SLC24A2: variants seen among roughly 807,000 people sequenced by gnomAD.
SLC24A2 encodes the protein sodium/potassium/calcium exchanger 2.
In SLC24A2, 36 loss-of-function variants were observed where a neutral mutation model predicts 62.0. The ratio of observed to expected loss-of-function variants is 0.58; its 90% CI spans 0.44 to 0.77. The LOEUF is 0.77. Among genes scored for constraint, SLC24A2 ranks in the 30% least tolerant of loss-of-function variants. The probability of loss-of-function intolerance (pLI) is 0.00; values close to 1 mark genes in which losing one functional copy is unlikely to be tolerated. For synonymous variants in SLC24A2, 358 were observed against 294.0 expected, an observed-to-expected ratio of 1.22 and a Z score of -2.23; for missense variants, 846 against 817.9, an observed-to-expected ratio of 1.03 and a Z score of -0.42.
chr9:19,571,814 A>C (rs1206306393), intron 7 of SLC24A2, among the ~76,000 whole-genome samples: 1 of 152,218 alleles, frequency 6.6e-6, no homozygotes. Flanking sequence ...ACAAGCACCA[A>C]AGGTGGTTCT....
At chr9:20,203,805 G>A in the SLC24A2 span, among the ~76,000 whole-genome samples, 43 of 152,224 alleles carry the variant, frequency 2.8e-4, no homozygotes, top group Non-Finnish European at 4.3e-4. Flanking sequence ...CTGTGGCAGC[G>A]GTACCTTTAT....
chr9:19,920,119 A>G, the SLC24A2 span, among the ~76,000 whole-genome samples: 1 of 152,146 alleles, frequency 6.6e-6, no homozygotes, highest in Non-Finnish European at 1.5e-5. Flanking sequence ...GTCATGCAAC[A>G]TTTGATATAT....
At position 19,695,948 on chromosome 9, in the gene SLC24A2, T is replaced by C. The variant is rs190608942; in HGVS notation, c.931-73649A>G. ...CATGCAACAACTTTACTATATCTAC[T>C]TTAAGGCAGGGGTCCCCAGTCCCTG... is the stretch of plus-strand genomic sequence containing the variant. On this transcript the variant is annotated intron_variant, in intron 2 of 10. Coordinates refer to ENST00000341998, the MANE Select transcript of SLC24A2 (RefSeq NM_020344.4). Among the ~76,000 whole-genome samples the C allele has an allele frequency of 2.1e-4, 32 of 152,276 alleles. 1 individual carries two copies. The highest frequency in any genetic ancestry group is 2.0e-3 in the Admixed American group (31 of 15,296).
At chr9:19,517,633 C>T (rs982808566) in intron 10 of SLC24A2, among the ~76,000 whole-genome samples, 9 of 152,064 alleles carry the variant, frequency 5.9e-5, no homozygotes, top group South Asian at 4.2e-4. Flanking sequence ...GGATCAATAC[C>T]GGCACTTTGC....
chr9:20,119,816 T>G, the SLC24A2 span, among the ~76,000 whole-genome samples: 6 of 152,220 alleles, frequency 3.9e-5, no homozygotes. Context: ...AGTAAAACTG[T>G]GTTTATTCAG....
the SLC24A2 span, among the ~76,000 whole-genome samples, chr9:19,917,010 A>G: frequency 2.4e-5 from 1 of 40,824 alleles, no homozygotes; most frequent in Admixed American, 3.4e-4. Flanking sequence ...TTTTGTGCCT[A>G]CATTTAATTT....
At chr9:20,136,617 G>A in the SLC24A2 span, among the ~76,000 whole-genome samples, 1 of 152,050 alleles carries the variant, frequency 6.6e-6, no homozygotes, top group African/African-American at 2.4e-5. Context: ...AGATAGCCAA[G>A]GGAATCATAA....
At chr9:19,692,471 GT>G (rs990086149) in intron 2 of SLC24A2, among the ~76,000 whole-genome samples, 5 of 151,886 alleles carry the variant, frequency 3.3e-5, no homozygotes, top group African/African-American at 4.8e-5. Flanking sequence ...CACCTTATTA[GT>G]TTTTTTTGGT....
chr9:19,977,033 T>C, the SLC24A2 span, among the ~76,000 whole-genome samples: 1 of 152,144 alleles, frequency 6.6e-6, no homozygotes, highest in South Asian at 2.1e-4. Flanking sequence ...GGAAAAAATA[T>C]ATGCAATATG....
chr9:19,657,118 T>C (rs1818963788), intron 2 of SLC24A2, among the ~76,000 whole-genome samples: 1 of 152,222 alleles, frequency 6.6e-6, no homozygotes, highest in African/African-American at 2.4e-5. Context: ...TAGGAGAACC[T>C]TTAAACAACT....
the SLC24A2 span, among the ~76,000 whole-genome samples, chr9:19,986,246 C>T: frequency 1.3e-5 from 2 of 152,188 alleles, no homozygotes; most frequent in African/African-American, 2.4e-5. Flanking sequence ...ACCCACTAGG[C>T]TAGCTATAAT....
the SLC24A2 span, among the ~76,000 whole-genome samples, chr9:19,947,824 G>GAAAGAAAC: frequency 9.9e-6 from 1 of 101,360 alleles, no homozygotes; most frequent in Non-Finnish European, 2.4e-5. Context: ...AAGAAAGAAA[G>GAAAGAAAC]AAAGAAAGAA....
chr9:19,979,988 A>G, the SLC24A2 span, among the ~76,000 whole-genome samples: 2 of 152,224 alleles, frequency 1.3e-5, no homozygotes, highest in Admixed American at 6.5e-5. Flanking sequence ...AGTTGATTCA[A>G]TTTCTCAACT....
chr9:20,125,537 G>A, the SLC24A2 span, among the ~76,000 whole-genome samples: 1 of 152,070 alleles, frequency 6.6e-6, no homozygotes. Context: ...TATAGTACAG[G>A]GTCAGGGGAA....
At chr9:19,636,320 T>TTTTCTTTTCTTTCTTTCTTTCTTTCC (rs1564009722) in intron 2 of SLC24A2, among the ~76,000 whole-genome samples, 1 of 21,358 alleles carries the variant, frequency 4.7e-5, no homozygotes, top group African/African-American at 1.6e-4. Flanking sequence ...TTTTCTTTTC[T>TTTTCTTTTCTTTCTTTCTTTCTTTCC]TTCTTTCTTT....
chr9:20,251,242 G>T, the SLC24A2 span, among the ~76,000 whole-genome samples: 1 of 152,102 alleles, frequency 6.6e-6, no homozygotes, highest in Non-Finnish European at 1.5e-5. Context: ...CATACTCTTA[G>T]GTGTTTCCTC....
the SLC24A2 span, among the ~76,000 whole-genome samples, chr9:19,882,161 G>C: frequency 6.6e-6 from 1 of 152,066 alleles, no homozygotes; most frequent in Non-Finnish European, 1.5e-5. Context: ...TATTTTAGAG[G>C]CTGCTGTTAA....
the SLC24A2 span, among the ~76,000 whole-genome samples, chr9:19,931,722 C>T: frequency 6.6e-6 from 1 of 152,294 alleles, no homozygotes; most frequent in Middle Eastern, 3.4e-3. Flanking sequence ...CACAACACCC[C>T]TCAGTTCCAG....
the SLC24A2 span, among the ~76,000 whole-genome samples, chr9:19,944,229 A>G: frequency 6.6e-6 from 1 of 152,156 alleles, no homozygotes. Context: ...TAAGTAATCA[A>G]AGCAGCTCAA....
Sources: gnomAD v4.1 joint callset for allele counts (sites outside exome capture counted in the v4.1 genomes callset) on GRCh38, gnomAD v4.1.1 for gene constraint, MANE v1.5 for transcripts, NCBI Gene and HGNC (gene_info 2026-07-23, HGNC 2026-07-21) for gene names.